The following CACNB2 variants were observed in gnomAD, a reference collection of about 807,000 sequenced individuals.
CACNB2 encodes the protein voltage-dependent L-type calcium channel subunit beta-2.
Under a neutral mutation model 73.3 loss-of-function variants are expected in CACNB2, and 42 were observed. The ratio of observed to expected loss-of-function variants is 0.57; its 90% confidence interval spans 0.45 to 0.74. The LOEUF (loss-of-function observed/expected upper bound fraction) is 0.74, where lower values mean the gene tolerates loss of function less well. CACNB2 is among the 30% of genes least tolerant of loss of function. The pLI is 0.00. For synonymous variants in CACNB2, 348 were observed against 310.3 expected (o/e 1.12, Z -1.28); for missense variants, 940 against 853.0 (o/e 1.10, Z -1.27).
chr10:18,218,684 A>G (rs1467743410), intron 2 of CACNB2, among the ~76,000 whole-genome samples: 1 of 151,864 alleles, frequency 6.6e-6, no homozygotes, highest in Non-Finnish European at 1.5e-5. Context: ...CCTGGCTAAC[A>G]CAGTGAAACC....
At chr10:18,303,315 C>T (rs2039599438) in intron 2 of CACNB2, among the ~76,000 whole-genome samples, 1 of 152,034 alleles carries the variant, frequency 6.6e-6, no homozygotes, top group Non-Finnish European at 1.5e-5. Flanking sequence ...ACAGCCTGGC[C>T]AGCATAGTAA....
intron 2 of CACNB2, among the ~76,000 whole-genome samples, chr10:18,307,249 G>A (rs1380810337): frequency 6.6e-6 from 1 of 152,154 alleles, no homozygotes; most frequent in Non-Finnish European, 1.5e-5. Flanking sequence ...AGATCACGAG[G>A]CCTGAAGTTT....
intron 3 of CACNB2, among the ~76,000 whole-genome samples, chr10:18,494,598 C>G (rs1210229132): frequency 6.8e-6 from 1 of 147,014 alleles, no homozygotes; most frequent in African/African-American, 2.5e-5. Context: ...TGCCATTGCA[C>G]TCCAGCCTGG....
At chr10:18,261,372 C>G (rs1425865119) in intron 2 of CACNB2, 4 of 1,551,166 alleles carry the variant, frequency 2.6e-6, no homozygotes, top group Non-Finnish European at 3.5e-6. Context: ...CTATTCGTGT[C>G]TGTCTGGTGC....
chr10:18,405,729 G>A (rs185328495), intron 3 of CACNB2, among the ~76,000 whole-genome samples: 53 of 152,126 alleles, frequency 3.5e-4, no homozygotes, highest in African/African-American at 1.2e-3. Context: ...AGGCCGAGGC[G>A]GGTGGATCAC....
chr10:18,337,631 A>G (rs1196321789), intron 2 of CACNB2, among the ~76,000 whole-genome samples: 1 of 152,164 alleles, frequency 6.6e-6, no homozygotes, highest in African/African-American at 2.4e-5. Context: ...TTGAAAACAT[A>G]TTACTGATAA....
chr10:18,438,095 G>A (rs2046232835), intron 3 of CACNB2, among the ~76,000 whole-genome samples: 1 of 125,794 alleles, frequency 7.9e-6, no homozygotes, highest in Non-Finnish European at 1.6e-5. Flanking sequence ...TCGGTTTACT[G>A]CAAGCTCCGC....
intron 2 of CACNB2, among the ~76,000 whole-genome samples, chr10:18,375,860 A>G (rs1189475165): frequency 6.6e-6 from 1 of 152,226 alleles, no homozygotes; most frequent in Non-Finnish European, 1.5e-5. Context: ...AAATATTTTT[A>G]CATCAGTTGA....
intron 2 of CACNB2, among the ~76,000 whole-genome samples, chr10:18,151,601 T>C (rs555911931): frequency 6.6e-6 from 1 of 152,280 alleles, no homozygotes; most frequent in South Asian, 2.1e-4. Flanking sequence ...TTATATATGG[T>C]AACAGAAAGG....
In CACNB2 at chr10:18,456,060, A is replaced by G. The variant is rs142220723; in HGVS notation, c.334-42295A>G. On this transcript the variant is annotated intron_variant, in intron 3 of 13. Transcript: ENST00000324631. ...ATGCTTGCCTTTTTTTCCATTTCCC[A>G]CTGAACCAGTCTCGTTGTTGTCAAT... Among the ~76,000 whole-genome samples, 222 of 152,140 alleles carry G rather than the reference A, an allele frequency of 1.5e-3. 1 individual carries two copies. Among genetic ancestry groups the G allele is most frequent in the African/African-American group, 4.8e-3 (198 of 41,494 alleles).
chr10:18,294,695 C>CA (rs967430742), intron 2 of CACNB2, among the ~76,000 whole-genome samples: 4 of 152,208 alleles, frequency 2.6e-5, no homozygotes, highest in Non-Finnish European at 5.9e-5. Flanking sequence ...GCATTCCCTG[C>CA]AAAGGAAAAA....
chr10:18,211,141 A>G (rs1443241888), intron 2 of CACNB2, among the ~76,000 whole-genome samples: 1 of 152,180 alleles, frequency 6.6e-6, no homozygotes, highest in Non-Finnish European at 1.5e-5. Flanking sequence ...GCGGAGGGCT[A>G]TGCAGTAAGT....
chr10:18,174,960 T>A (rs2033492986), intron 2 of CACNB2, among the ~76,000 whole-genome samples: 1 of 152,178 alleles, frequency 6.6e-6, no homozygotes, highest in African/African-American at 2.4e-5. Flanking sequence ...TGAAGAGGAT[T>A]ATAGCAGCAC....
At chr10:18,276,833 C>T (rs1588914802) in intron 2 of CACNB2, among the ~76,000 whole-genome samples, 1 of 152,192 alleles carries the variant, frequency 6.6e-6, no homozygotes, top group Non-Finnish European at 1.5e-5. Flanking sequence ...CCCACTTCAG[C>T]CTCCCAAAGC....
intron 2 of CACNB2, among the ~76,000 whole-genome samples, chr10:18,351,944 GA>G (rs2041723787): frequency 6.6e-6 from 1 of 152,138 alleles, no homozygotes; most frequent in African/African-American, 2.4e-5. Context: ...TAGACATAGA[GA>G]ATTTCAAATG....
chr10:18,277,738 G>A (rs2038361412), intron 2 of CACNB2, among the ~76,000 whole-genome samples: 1 of 152,150 alleles, frequency 6.6e-6, no homozygotes. Context: ...CAGACACTAT[G>A]TTATTCTTGG....
chr10:18,307,854 C>T (rs534275411), intron 2 of CACNB2, among the ~76,000 whole-genome samples: 54 of 151,936 alleles, frequency 3.6e-4, no homozygotes, highest in Admixed American at 5.9e-4. Flanking sequence ...CAAACATTTG[C>T]TTACCCTGCA....
At chr10:18,172,511 C>T (rs890194380) in intron 2 of CACNB2, among the ~76,000 whole-genome samples, 1 of 152,056 alleles carries the variant, frequency 6.6e-6, no homozygotes, top group Non-Finnish European at 1.5e-5. Flanking sequence ...TTTTTTCAAA[C>T]TGTACAATAT....
intron 2 of CACNB2, among the ~76,000 whole-genome samples, chr10:18,327,424 G>T (rs1420033188): frequency 6.6e-6 from 1 of 151,990 alleles, no homozygotes; most frequent in Non-Finnish European, 1.5e-5. Context: ...TTGTTTGTTT[G>T]TTTGTTTTTA....
Sources: allele counts gnomAD v4.1 joint callset (sites outside exome capture counted in the v4.1 genomes callset), GRCh38; gene constraint gnomAD v4.1.1; transcripts MANE v1.5; gene names NCBI Gene and HGNC (gene_info 2026-07-23, HGNC 2026-07-21).